The following TRDMT1 variants were observed in gnomAD, a reference collection of about 807,000 sequenced individuals.
TRDMT1 encodes the protein tRNA aspartic acid methyltransferase 1, also known as tRNA (cytosine(38)-C(5))-methyltransferase.
In TRDMT1, 49 loss-of-function variants were observed where a neutral mutation model predicts 51.2. That is an observed-to-expected ratio of 0.96 (90% CI 0.76 to 1.21). The LOEUF (loss-of-function observed/expected upper bound fraction) is 1.21, where lower values mean the gene tolerates loss of function less well. Among genes scored for constraint, TRDMT1 ranks in the 50% most tolerant of loss-of-function variants. The pLI, the probability that TRDMT1 is intolerant of heterozygous loss-of-function variation, is 0.00. For missense variants in TRDMT1, 534 were observed against 462.3 expected (o/e 1.16, Z -1.42); for synonymous variants, 187 against 164.6 (o/e 1.14, Z -1.04).
In TRDMT1 at chr10:17,149,249, C is replaced by T. The variant is rs1042846965; in HGVS notation, c.1076-109G>A. 1.8e-5 allele frequency: 14 copies of T among 787,782 alleles called. No homozygotes were observed. In the Admixed American group the frequency reaches 3.5e-4, roughly 20 times the overall value. The allele number at this position is 787,782 out of a possible 1,614,324, so 48.8% of individuals were successfully genotyped here. On this transcript the variant is annotated intron_variant, in intron 10 of 10. Transcript: ENST00000377799. ...CAGCGGTCATTTCATAAGTAAATCA[C>T]TAAGGTCTCCATGAAGTTTTATTAA...
Position 17,145,091 on chromosome 10 carries a change from AC to A in TRDMT1, c.*3948del. 5 of 638,126 alleles carry A rather than the reference AC, an allele frequency of 7.8e-6. No homozygotes were observed. The highest frequency in any genetic ancestry group is 9.7e-6 in the Non-Finnish European group (5 of 512,866). 39.5% of individuals were successfully genotyped at this position (638,126 alleles called of 1,614,324 possible). A position where few individuals can be genotyped will look rare whatever the true frequency, so the allele number is the denominator to read the frequency against. On this transcript the variant is annotated 3_prime_UTR_variant, in exon 11 of 11. Coordinates refer to ENST00000377799, the MANE Select transcript of TRDMT1 (RefSeq NM_004412.7). Reference sequence around the variant, plus strand: ...ATGGTGAAACCCGATCTCTACTAATACAAAAATTAGCTAGGTGTGGTGGCAT... The same window carrying A: ...ATGGTGAAACCCGATCTCTACTAATAAAAAATTAGCTAGGTGTGGTGGCAT...
At position 17,144,739 on chromosome 10, in the gene TRDMT1, G is replaced by A. The variant is rs920315733; in HGVS notation, c.*4301C>T. On this transcript the variant is annotated 3_prime_UTR_variant, in exon 11 of 11. Transcript: ENST00000377799. ...TTGTGTAAGATTTTGAAGAGCATGA[G>A]TACCTTAAAATGTTCCTAGACAGCC... 11 of 985,216 alleles carry A rather than the reference G, an allele frequency of 1.1e-5. No homozygotes were observed. The African/African-American group carries it at 1.7e-4, about 16-fold the overall frequency. 61.0% of individuals were successfully genotyped at this position (985,216 alleles called of 1,614,324 possible). A position where few individuals can be genotyped will look rare whatever the true frequency, so the allele number is the denominator to read the frequency against.
At chr10:17,159,791 A>T (rs1840056391) in intron 6 of TRDMT1, among the ~76,000 whole-genome samples, 1 of 152,068 alleles carries the variant, frequency 6.6e-6, no homozygotes, top group South Asian at 2.1e-4. Context: ...ACAATAACAA[A>T]AAGCTGACAG....
At chr10:17,174,242 A>T (rs1842378030) in intron 2 of TRDMT1, among the ~76,000 whole-genome samples, 1 of 152,224 alleles carries the variant, frequency 6.6e-6, no homozygotes, top group African/African-American at 2.4e-5. Flanking sequence ...ATAAGTATTT[A>T]ATAAAAGTAA....
At chr10:17,151,267 T>C in intron 10 of TRDMT1, 3 of 972,192 alleles carry the variant, frequency 3.1e-6, no homozygotes, top group Non-Finnish European at 3.7e-6. Context: ...AAAACTTAGA[T>C]ACATTAAAAA....
chr10:17,179,163 A>C (rs1842969879), intron 1 of TRDMT1, among the ~76,000 whole-genome samples: 1 of 152,190 alleles, frequency 6.6e-6, no homozygotes, highest in African/African-American at 2.4e-5. Context: ...TTAAGGCATG[A>C]GTAATCTTTC....
chr10:17,153,666 A>C (rs1264088118), intron 9 of TRDMT1, 30 bp from the exon 10 acceptor site: 1 of 1,539,524 alleles, frequency 6.5e-7, no homozygotes, highest in African/African-American at 1.4e-5. Flanking sequence ...ATAACTAAAA[A>C]AGTAATGTGC....
At chr10:17,184,453 A>G (rs958613385) in intron 1 of TRDMT1, among the ~76,000 whole-genome samples, 2 of 151,252 alleles carry the variant, frequency 1.3e-5, no homozygotes, top group African/African-American at 2.4e-5. Context: ...TATAATATAT[A>G]TAATAATTAA....
At chr10:17,201,516 G>T in intron 1 of TRDMT1, 55 bp downstream of exon 1, 1 of 1,516,174 alleles carries the variant, frequency 6.6e-7, no homozygotes, top group Non-Finnish European at 8.9e-7. Flanking sequence ...CGGCGCGGGT[G>T]CTCCAACCAG....
In TRDMT1 at chr10:17,182,581, A is replaced by T. The variant is rs527956931; in HGVS notation, c.65-7921T>A. 5.9e-5 allele frequency among the ~76,000 whole-genome samples: 9 copies of T among 152,292 alleles called. No homozygotes were observed. In the South Asian group the frequency reaches 1.9e-3, roughly 32 times the overall value. Reference sequence around the variant, plus strand: ...AAAATAGAAGTATTCTTCTTGATAAAACTGTTCTAAATTGAAGAAAGAAGG... The same window carrying T: ...AAAATAGAAGTATTCTTCTTGATAATACTGTTCTAAATTGAAGAAAGAAGG... On this transcript the variant is annotated intron_variant, in intron 1 of 10. Coordinates refer to ENST00000377799, the MANE Select transcript of TRDMT1 (RefSeq NM_004412.7).
At chr10:17,165,719 C>G (rs533626165) in intron 3 of TRDMT1, among the ~76,000 whole-genome samples, 1 of 152,280 alleles carries the variant, frequency 6.6e-6, no homozygotes, top group Non-Finnish European at 1.5e-5. Context: ...AGGATATGAA[C>G]AGACACTTCT....
intron 1 of TRDMT1, among the ~76,000 whole-genome samples, chr10:17,179,570 A>C (rs902940197): frequency 6.6e-6 from 1 of 152,028 alleles, no homozygotes; most frequent in African/African-American, 2.4e-5. Context: ...TTTAAAAATC[A>C]AAATTAAAAC....
chr10:17,197,343 AC>A (rs1845589054), intron 1 of TRDMT1, among the ~76,000 whole-genome samples: 2 of 152,348 alleles, frequency 1.3e-5, no homozygotes, highest in South Asian at 4.1e-4. Context: ...AAAGAATGTT[AC>A]ATTTAAGCCA....
At chr10:17,192,827 GA>G (rs1335323274) in intron 1 of TRDMT1, among the ~76,000 whole-genome samples, 2 of 152,062 alleles carry the variant, frequency 1.3e-5, no homozygotes, top group Non-Finnish European at 2.9e-5. Flanking sequence ...AAAAGATGTG[GA>G]AAAAGCTTTC....
intron 10 of TRDMT1, among the ~76,000 whole-genome samples, chr10:17,149,887 T>C (rs1156325689): frequency 6.6e-6 from 1 of 152,222 alleles, no homozygotes; most frequent in African/African-American, 2.4e-5. Flanking sequence ...CATTCGTTCA[T>C]AGACATTTGG....
chr10:17,143,823 G>A lies in TRDMT1; in HGVS notation c.*5217C>T, dbSNP rs1837878424. The A allele has an allele frequency of 1.0e-6, 1 of 985,328 alleles. No homozygotes were observed. The highest frequency in any genetic ancestry group is 1.2e-6 in the Non-Finnish European group (1 of 829,958). The allele number at this position is 985,328 out of a possible 1,614,324, so 61.0% of individuals were successfully genotyped here. A position where few individuals can be genotyped will look rare whatever the true frequency, so the allele number is the denominator to read the frequency against. On this transcript the variant is annotated 3_prime_UTR_variant, in exon 11 of 11. Coordinates refer to ENST00000377799, the MANE Select transcript of TRDMT1 (RefSeq NM_004412.7). ...TCTTTGGTTATGAAGCTTGAACTTG[G>A]AAGATGTGGAGACTAACCGTACCAT...
intron 7 of TRDMT1, 118 bp from the exon 8 acceptor site, chr10:17,157,902 A>C: frequency 2.7e-6 from 2 of 737,302 alleles, no homozygotes; most frequent in Non-Finnish European, 4.3e-6. Context: ...GTTGCCATTA[A>C]AAGATAGAAA....
intron 2 of TRDMT1, chr10:17,172,128 C>T (rs1241294820): frequency 6.1e-6 from 1 of 165,054 alleles, no homozygotes; most frequent in Non-Finnish European, 1.5e-5. Context: ...CCACAAGGTC[C>T]AAGCACTACA....
chr10:17,163,435 T>G (rs529675381), intron 3 of TRDMT1, among the ~76,000 whole-genome samples: 1 of 152,058 alleles, frequency 6.6e-6, no homozygotes, highest in Non-Finnish European at 1.5e-5. Flanking sequence ...ATCTAAAATT[T>G]ACACCCTAAC....
Sources: gnomAD v4.1 joint callset for allele counts (sites outside exome capture counted in the v4.1 genomes callset) on GRCh38, gnomAD v4.1.1 for gene constraint, MANE v1.5 for transcripts, NCBI Gene and HGNC (gene_info 2026-07-23, HGNC 2026-07-21) for gene names.